ULK4: variants seen among roughly 807,000 people sequenced by gnomAD.
The protein encoded by ULK4 is inactive serine/threonine-protein kinase ULK4.
In ULK4, 133 loss-of-function variants were observed where a neutral mutation model predicts 160.6. The ratio of observed to expected loss-of-function variants is 0.83; its 90% CI spans 0.72 to 0.96. The LOEUF is 0.96. Ranked by LOEUF, ULK4 falls within the 40% of genes least tolerant of loss-of-function variation. The pLI, the probability that ULK4 is intolerant of heterozygous loss-of-function variation, is 0.00. For missense variants in ULK4, 1,580 were observed against 1,499.5 expected (o/e 1.05, Z -0.89); for synonymous variants, 534 against 539.8 (o/e 0.99, Z 0.15).
rs547087668 is a variant in ULK4 at position 41,864,589 on chromosome 3, A to AC, written c.1656+19284dup. On this transcript the variant is annotated intron_variant, in intron 17 of 36. Coordinates refer to ENST00000301831, the MANE Select transcript of ULK4 (RefSeq NM_017886.4). ...CTCTTTCTCACGGTGACCTTGCTGT[A>AC]CCCCAGAGTCAGAAGCCACTATATA... Among the ~76,000 whole-genome samples the AC allele has an allele frequency of 3.1e-3, 471 of 152,006 alleles. 1 individual carries two copies. Among genetic ancestry groups the AC allele is most frequent in the African/African-American group, 0.011 (448 of 41,448 alleles).
chr3:41,817,855 C>T (rs1341351259), intron 19 of ULK4, among the ~76,000 whole-genome samples: 1 of 152,044 alleles, frequency 6.6e-6, no homozygotes, highest in African/African-American at 2.4e-5. Flanking sequence ...TGAAAATGGA[C>T]AAAAGATCTG....
intron 34 of ULK4, among the ~76,000 whole-genome samples, chr3:41,448,986 C>A (rs546692382): frequency 6.6e-6 from 1 of 152,080 alleles, no homozygotes; most frequent in South Asian, 2.1e-4. Context: ...CCTGGTTTCT[C>A]GGCTCACTGC....
chr3:41,664,269 C>T (rs143163580), intron 29 of ULK4, among the ~76,000 whole-genome samples: 401 of 152,288 alleles, frequency 2.6e-3, no homozygotes, highest in African/African-American at 9.1e-3. Context: ...TTCAGAGACT[C>T]GCTAGAGAAT....
At chr3:41,358,456 G>C (rs2081068601) in intron 35 of ULK4, among the ~76,000 whole-genome samples, 1 of 152,182 alleles carries the variant, frequency 6.6e-6, no homozygotes, top group Non-Finnish European at 1.5e-5. Context: ...AAAGGATGCA[G>C]AGGCAGAGAA....
chr3:41,479,982 C>T (rs576669848), intron 32 of ULK4, among the ~76,000 whole-genome samples: 55 of 152,078 alleles, frequency 3.6e-4, no homozygotes, highest in African/African-American at 4.6e-4. Context: ...CCAAGGCAGG[C>T]GGATCGAGAG....
chr3:41,757,922 T>C (rs76471037), intron 21 of ULK4, among the ~76,000 whole-genome samples: 46,928 of 152,044 alleles, frequency 0.31, 10,411 homozygotes, highest in African/African-American at 0.63. Flanking sequence ...CCACCATGCC[T>C]GGCCGAAATG....
At chr3:41,609,493 GTA>G (rs2032557399) in intron 31 of ULK4, among the ~76,000 whole-genome samples, 2 of 152,138 alleles carry the variant, frequency 1.3e-5, no homozygotes, top group South Asian at 4.2e-4. Context: ...TTTAATGGTG[GTA>G]TATGTTAGCA....
intron 20 of ULK4, among the ~76,000 whole-genome samples, chr3:41,790,470 T>C (rs949631524): frequency 3.3e-5 from 5 of 152,176 alleles, no homozygotes; most frequent in Non-Finnish European, 7.3e-5. Context: ...TAATAGAATG[T>C]ATTAAGTGTT....
intron 31 of ULK4, among the ~76,000 whole-genome samples, chr3:41,595,443 G>A (rs546783610): frequency 4.9e-4 from 74 of 152,348 alleles, no homozygotes; most frequent in African/African-American, 1.7e-3. Flanking sequence ...GGCTAATGAA[G>A]AATTACTAAT....
intron 35 of ULK4, among the ~76,000 whole-genome samples, chr3:41,296,651 C>A (rs1376210762): frequency 6.6e-6 from 1 of 152,084 alleles, no homozygotes; most frequent in Non-Finnish European, 1.5e-5. Context: ...AGGGAGGCAG[C>A]CACACCAGGG....
intron 31 of ULK4, among the ~76,000 whole-genome samples, chr3:41,579,650 T>C (rs972758368): frequency 6.6e-6 from 1 of 151,794 alleles, no homozygotes. Context: ...CGCGCCTCCA[T>C]GCCCGGCTAA....
rs541608738 is a variant in ULK4, at chr3:41,571,357, G to A, written c.3121-5227C>T. Among the ~76,000 whole-genome samples, 14 of 152,334 alleles carry A rather than the reference G, an allele frequency of 9.2e-5. No homozygotes were observed. The East Asian group carries it at 2.5e-3, about 27-fold the overall frequency. The stretch of plus-strand genomic sequence containing the variant: ...GAATGCTAAATCCATGCAAAGGACA[G>A]TTGAGCAGGTGTAAATGTGAATTAA... On this transcript the variant is annotated intron_variant, in intron 31 of 36. Coordinates refer to ENST00000301831, the MANE Select transcript of ULK4 (RefSeq NM_017886.4).
chr3:41,701,623 A>G (rs9856703), intron 27 of ULK4, among the ~76,000 whole-genome samples: 29,117 of 152,196 alleles, frequency 0.19, 7,407 homozygotes, highest in African/African-American at 0.59. Flanking sequence ...TGAAAACTAA[A>G]AAAAGAAGCA....
intron 16 of ULK4, among the ~76,000 whole-genome samples, chr3:41,891,661 C>T (rs867228792): frequency 2.0e-5 from 3 of 152,124 alleles, no homozygotes; most frequent in Admixed American, 6.5e-5. Context: ...AATCCCAGCA[C>T]TTTGGGAGGC....
intron 19 of ULK4, among the ~76,000 whole-genome samples, chr3:41,813,395 A>G (rs1194217115): frequency 6.6e-6 from 1 of 152,198 alleles, no homozygotes; most frequent in Non-Finnish European, 1.5e-5. Context: ...TTTCTGAACT[A>G]TAGTTTATTA....
chr3:41,660,850 G>A (rs529969065), intron 30 of ULK4, among the ~76,000 whole-genome samples: 82 of 152,288 alleles, frequency 5.4e-4, no homozygotes, highest in African/African-American at 2.0e-3. Context: ...AGCATTTAAT[G>A]GGGAGAGGGG....
chr3:41,295,264 C>CA lies in ULK4; in HGVS notation c.3679-45691dup, dbSNP rs1352133077. On this transcript the variant is annotated intron_variant, in intron 35 of 36. Transcript: ENST00000301831. The stretch of plus-strand genomic sequence containing the variant: ...TCCACATGCAAAACATGAATGCAGA[C>CA]ACAGATCTTTTACTCTCACAAAAAT... Among the ~76,000 whole-genome samples, 25 of 136,446 alleles carry CA rather than the reference C, an allele frequency of 1.8e-4. 8 individuals are homozygous for CA. Among genetic ancestry groups the CA allele is most frequent in the South Asian group, 4.8e-4 (2 of 4,158 alleles). 89.5% of individuals were successfully genotyped at this position (136,446 alleles called of 152,430 possible).
At chr3:41,849,754 T>A (rs12107497) in intron 17 of ULK4, among the ~76,000 whole-genome samples, 405 of 152,268 alleles carry the variant, frequency 2.7e-3, no homozygotes, top group African/African-American at 9.4e-3. Flanking sequence ...CAGGGGTATA[T>A]GAGATGTCTT....
intron 35 of ULK4, among the ~76,000 whole-genome samples, chr3:41,306,623 G>A (rs1191917417): frequency 6.6e-6 from 1 of 151,896 alleles, no homozygotes; most frequent in Non-Finnish European, 1.5e-5. Flanking sequence ...CCTCTGCCCG[G>A]CCACCACCCC....
Sources: gnomAD v4.1 joint callset for allele counts (sites outside exome capture counted in the v4.1 genomes callset) on GRCh38, gnomAD v4.1.1 for gene constraint, MANE v1.5 for transcripts, NCBI Gene and HGNC (gene_info 2026-07-23, HGNC 2026-07-21) for gene names.